The following CDC42BPA variants were observed in gnomAD, a reference collection of about 807,000 sequenced individuals.
CDC42BPA encodes CDC42 binding protein kinase alpha, also known as serine/threonine-protein kinase MRCK alpha.
In CDC42BPA, 80 loss-of-function variants were observed where a neutral mutation model predicts 223.5. The observed-to-expected ratio is 0.36, with a 90% confidence interval of 0.30 to 0.43. The LOEUF (loss-of-function observed/expected upper bound fraction) is 0.43. Among genes scored for constraint, CDC42BPA ranks in the 20% least tolerant of loss-of-function variants. The pLI, the probability that CDC42BPA is intolerant of heterozygous loss-of-function variation, is 1.00. For synonymous variants in CDC42BPA, 694 were observed against 718.6 expected (o/e 0.97, Z 0.55); for missense variants, 1,743 against 2,099.9 (o/e 0.83, Z 3.32).
chr1:227,211,000 TG>T (rs1558773709), intron 3 of CDC42BPA, among the ~76,000 whole-genome samples: 2 of 152,152 alleles, frequency 1.3e-5, no homozygotes, highest in African/African-American at 2.4e-5. Context: ...ATGGGACAAC[TG>T]TACAAATCCT....
At chr1:227,101,910 C>T (rs1685114116) in intron 14 of CDC42BPA, among the ~76,000 whole-genome samples, 1 of 152,022 alleles carries the variant, frequency 6.6e-6, no homozygotes, top group African/African-American at 2.4e-5. Context: ...ATGTAAAGTC[C>T]AAAGATTCTT....
chr1:227,136,613 T>C (rs992803665), intron 10 of CDC42BPA, among the ~76,000 whole-genome samples: 3 of 152,150 alleles, frequency 2.0e-5, no homozygotes, highest in South Asian at 4.1e-4. Context: ...CTATTTGAAA[T>C]TGAAGTTAAG....
At chr1:227,118,271 A>G (rs1427477881) in intron 12 of CDC42BPA, among the ~76,000 whole-genome samples, 1 of 152,208 alleles carries the variant, frequency 6.6e-6, no homozygotes, top group Non-Finnish European at 1.5e-5. Flanking sequence ...CTAAGACGAC[A>G]TACAAATGGC....
At chr1:227,227,146 A>C (rs1158739631) in intron 2 of CDC42BPA, among the ~76,000 whole-genome samples, 2 of 152,136 alleles carry the variant, frequency 1.3e-5, no homozygotes, top group East Asian at 3.8e-4. Context: ...GTAGCTGGTA[A>C]CAAAGGTAAT....
intron 2 of CDC42BPA, among the ~76,000 whole-genome samples, chr1:227,253,740 G>A (rs931009265): frequency 6.6e-5 from 10 of 151,918 alleles, no homozygotes; most frequent in Non-Finnish European, 1.3e-4. Context: ...ACACTACCAG[G>A]TATCAAGATT....
intron 31 of CDC42BPA, among the ~76,000 whole-genome samples, chr1:227,024,562 C>G (rs991361258): frequency 6.6e-6 from 1 of 152,100 alleles, no homozygotes; most frequent in African/African-American, 2.4e-5. Flanking sequence ...AGGGAACAGA[C>G]AGTAGTGCTA....
At chr1:227,257,575 C>A (rs1683303607) in intron 1 of CDC42BPA, among the ~76,000 whole-genome samples, 1 of 150,630 alleles carries the variant, frequency 6.6e-6, no homozygotes, top group Admixed American at 6.6e-5. Flanking sequence ...CATGGTGAAA[C>A]CCTGTCTCTA....
At chr1:227,228,641 T>C (rs1677276982) in intron 2 of CDC42BPA, among the ~76,000 whole-genome samples, 1 of 151,404 alleles carries the variant, frequency 6.6e-6, no homozygotes, top group Non-Finnish European at 1.5e-5. Flanking sequence ...TATTTTACAT[T>C]CTACCAGCAA....
intron 1 of CDC42BPA, among the ~76,000 whole-genome samples, chr1:227,274,862 G>A (rs949009377): frequency 2.0e-5 from 3 of 152,134 alleles, no homozygotes; most frequent in African/African-American, 7.2e-5. Context: ...AATTCATCAG[G>A]AAAACACAGA....
intron 5 of CDC42BPA, among the ~76,000 whole-genome samples, chr1:227,179,370 C>T (rs1182710355): frequency 3.3e-5 from 5 of 152,072 alleles, no homozygotes; most frequent in Non-Finnish European, 1.5e-5. Flanking sequence ...GGCATGGTGG[C>T]TCACGCCTGT....
intron 10 of CDC42BPA, among the ~76,000 whole-genome samples, chr1:227,136,953 G>T (rs1324348052): frequency 2.6e-5 from 4 of 151,946 alleles, no homozygotes; most frequent in African/African-American, 9.7e-5. Context: ...GATCACTAGG[G>T]AGAAATAAAA....
At chr1:227,239,035 G>C (rs1317438209) in intron 2 of CDC42BPA, among the ~76,000 whole-genome samples, 2 of 152,164 alleles carry the variant, frequency 1.3e-5, no homozygotes, top group African/African-American at 4.8e-5. Flanking sequence ...TTCTTTTCAA[G>C]TGTACATGGA....
intron 1 of CDC42BPA, 110 bp from the exon 2 acceptor site, chr1:227,254,265 T>G: frequency 1.7e-6 from 1 of 582,090 alleles, no homozygotes; most frequent in Non-Finnish European, 2.9e-6. Flanking sequence ...GATTTAAGAA[T>G]TGTCAAAATA....
chr1:227,116,586 G>A (rs1316303372), intron 12 of CDC42BPA, among the ~76,000 whole-genome samples: 1 of 152,106 alleles, frequency 6.6e-6, no homozygotes, highest in Non-Finnish European at 1.5e-5. Flanking sequence ...AGAAATGAAA[G>A]TCTTTTCTGT....
intron 6 of CDC42BPA, among the ~76,000 whole-genome samples, chr1:227,150,511 T>A (rs559924966): frequency 3.9e-5 from 6 of 152,290 alleles, no homozygotes; most frequent in African/African-American, 1.4e-4. Context: ...ACAGAAATGA[T>A]ACATTTTCAC....
At chr1:227,201,615 CTT>C (rs1300940873) in intron 3 of CDC42BPA, among the ~76,000 whole-genome samples, 1 of 152,076 alleles carries the variant, frequency 6.6e-6, no homozygotes, top group East Asian at 1.9e-4. Flanking sequence ...ATTATTAACT[CTT>C]TGGTCAAAAT....
intron 1 of CDC42BPA, among the ~76,000 whole-genome samples, chr1:227,273,103 G>A (rs958599595): frequency 1.3e-5 from 2 of 152,164 alleles, no homozygotes; most frequent in Middle Eastern, 3.2e-3. Flanking sequence ...TTTGAGACCA[G>A]CCTGGCAAAC....
intron 3 of CDC42BPA, among the ~76,000 whole-genome samples, chr1:227,205,524 CT>C (rs11365098): frequency 0.69 from 104,257 of 151,612 alleles, 36,017 homozygotes; most frequent in South Asian, 0.74. Flanking sequence ...GACAGAAGGA[CT>C]TAGGGGTATT....
At chr1:227,047,713 A>C (rs547575424) in intron 23 of CDC42BPA, among the ~76,000 whole-genome samples, 1 of 152,304 alleles carries the variant, frequency 6.6e-6, no homozygotes, top group South Asian at 2.1e-4. Context: ...ATTATAACAG[A>C]CTTCAAAACA....
Sources: gnomAD v4.1 joint callset for allele counts (sites outside exome capture counted in the v4.1 genomes callset) on GRCh38, gnomAD v4.1.1 for gene constraint, MANE v1.5 for transcripts, NCBI Gene and HGNC (gene_info 2026-07-23, HGNC 2026-07-21) for gene names.